CATSPER4: variants seen among roughly 807,000 people sequenced by gnomAD.
The protein encoded by CATSPER4 is cation channel sperm associated 4.
A neutral mutation model predicts 54.4 loss-of-function variants in CATSPER4; 46 were observed. The ratio of observed to expected loss-of-function variants is 0.84; its 90% CI spans 0.67 to 1.08. The LOEUF is 1.08. Among genes scored for constraint, CATSPER4 ranks in the 50% least tolerant of loss-of-function variants. CATSPER4 has a pLI of 0.00. For synonymous variants in CATSPER4, 230 were observed against 231.9 expected (o/e 0.99, Z 0.08); for missense variants, 574 against 612.8 (o/e 0.94, Z 0.67).
intron 3 of CATSPER4, among the ~76,000 whole-genome samples, chr1:26,196,402 C>CTTTTT (rs58507291): frequency 2.4e-5 from 2 of 82,456 alleles, no homozygotes; most frequent in African/African-American, 4.8e-5. Flanking sequence ...TTTTCTTTTC[C>CTTTTT]TTTTTTTTTT....
chr1:26,201,278 G>A, intron 8 of CATSPER4, 76 bp from the exon 9 acceptor site: 2 of 1,494,600 alleles, frequency 1.3e-6, no homozygotes, highest in Non-Finnish European at 9.3e-7. Context: ...AAGCGGGGGT[G>A]ACGCCAGGGA....
Position 26,202,643 on chromosome 1 carries a change from C to G in CATSPER4, c.*101C>G, listed in dbSNP as rs908373585. On this transcript the variant is annotated 3_prime_UTR_variant, in exon 10 of 10. Coordinates refer to ENST00000456354, the MANE Select transcript of CATSPER4 (RefSeq NM_198137.2). ...TGGCAGAGCCTGGCCAGAGCCCATC[C>G]TCTCCCTTATACCTGGGCAGAGGCC... The G allele has an allele frequency of 1.8e-6, 2 of 1,129,644 alleles. No homozygotes were observed. The highest frequency in any genetic ancestry group is 2.6e-6 in the Non-Finnish European group (2 of 761,612). The allele number at this position is 1,129,644 out of a possible 1,614,324, so 70.0% of individuals were successfully genotyped here.
At position 26,202,851 on chromosome 1, in the gene CATSPER4, C is replaced by A; in HGVS notation, c.*309C>A. ...CCTAAGGATGGGGATCCCTGGCCCC[C>A]TGCTCTTGCCCAGAGCTGGTGGGGG... On this transcript the variant is annotated 3_prime_UTR_variant, in exon 10 of 10. Coordinates refer to ENST00000456354, the MANE Select transcript of CATSPER4 (RefSeq NM_198137.2). 1 of 462,810 alleles carries A rather than the reference C, an allele frequency of 2.2e-6. No homozygotes were observed. The highest frequency in any genetic ancestry group is 2.4e-5 in the South Asian group (1 of 41,330). The allele number at this position is 462,810 out of a possible 1,614,324, so 28.7% of individuals were successfully genotyped here. A position where few individuals can be genotyped will look rare whatever the true frequency, so the allele number is the denominator to read the frequency against.
At chr1:26,197,634 G>A (rs1315225061) in intron 3 of CATSPER4, 52 bp from the exon 4 acceptor site, 4 of 1,265,510 alleles carry the variant, frequency 3.2e-6, no homozygotes, top group Non-Finnish European at 4.6e-6. Context: ...GACCTAGGAT[G>A]CCCCCATGGG....
chr1:26,200,994 A>G lies in CATSPER4; in HGVS notation c.1152A>G (p.Ile384Met). Residue 384 changes from isoleucine to methionine, a missense_variant, in exon 8 of 10, where the codon ATA (isoleucine) becomes ATG (methionine). Coordinates refer to ENST00000456354, the MANE Select transcript of CATSPER4 (RefSeq NM_198137.2). ...ACTTTTGCTTGGTGCTTGAGGCAAT[A>G]CAGGAGAACCTGAGGCAGTACAAGG... Reference protein sequence around the residue: ...CDNFCLVLEAIQENLRQYKEI... With the variant: ...CDNFCLVLEAMQENLRQYKEI... 1.9e-6 allele frequency: 3 copies of G among 1,614,126 alleles called. No individual in the cohort carries two copies. Among genetic ancestry groups the G allele is most frequent in the Non-Finnish European group, 2.5e-6 (3 of 1,180,028 alleles).
Position 26,201,429 on chromosome 1 carries a change from G to C in CATSPER4, c.1275G>C (p.Thr425=), listed in dbSNP as rs1001393617. The change falls in exon 9 of 10, where the codon ACG becomes ACC. Residue 425 remains threonine (T), a synonymous_variant. Transcript: ENST00000456354. Reference sequence around the variant, plus strand: ...AGGTGTTGAACAGGCGCTCGTCGACGAGCGGGTCGTTGGAGACTACGTCAT... The same window carrying C: ...AGGTGTTGAACAGGCGCTCGTCGACCAGCGGGTCGTTGGAGACTACGTCAT... ...ESEVLNRRSS[T]SGSLETTSSK... The C allele has an allele frequency of 1.2e-6, 2 of 1,614,032 alleles. No individual in the cohort carries two copies. The highest frequency in any genetic ancestry group is 1.7e-6 in the Non-Finnish European group (2 of 1,179,950).
intron 1 of CATSPER4, 79 bp from the exon 2 acceptor site, chr1:26,191,208 C>A: frequency 1.9e-6 from 3 of 1,565,084 alleles, no homozygotes; most frequent in South Asian, 1.2e-5. Context: ...CCAGGAACCC[C>A]CATTCTCTAA....
At position 26,201,409 on chromosome 1, in the gene CATSPER4, T is replaced by C; in HGVS notation, c.1255T>C (p.Leu419=). Residue 419 remains leucine, a synonymous_variant, in exon 9 of 10, where the codon TTG becomes CTG. Coordinates refer to ENST00000456354, the MANE Select transcript of CATSPER4 (RefSeq NM_198137.2). The part of the protein sequence containing the change: ...RFNQEQESEV[L]NRRSSTSGSL... ...CAACCAGGAGCAGGAGTCAGAGGTG[T>C]TGAACAGGCGCTCGTCGACGAGCGG... 1 of 1,614,074 alleles carries C rather than the reference T, an allele frequency of 6.2e-7. No individual in the cohort carries two copies. The highest frequency in any genetic ancestry group is 8.5e-7 in the Non-Finnish European group (1 of 1,179,990).
intron 8 of CATSPER4, 106 bp from the exon 9 acceptor site, chr1:26,201,248 C>A: frequency 7.8e-7 from 1 of 1,279,776 alleles, no homozygotes; most frequent in Admixed American, 1.9e-5. Context: ...GGGTCTCTGT[C>A]AGGGCTGCGT....
At chr1:26,202,441 C>G in intron 9 of CATSPER4, 48 bp from the exon 10 acceptor site, 1 of 1,553,448 alleles carries the variant, frequency 6.4e-7, no homozygotes, top group Non-Finnish European at 8.8e-7. Context: ...CGGAGGCTGC[C>G]ATATCGGGGG....
chr1:26,193,773 TG>T lies in CATSPER4; in HGVS notation c.358-13del. 1 of 1,582,506 alleles carries T rather than the reference TG, an allele frequency of 6.3e-7. No homozygotes were observed. Among genetic ancestry groups the T allele is most frequent in the Non-Finnish European group, 8.7e-7 (1 of 1,150,982 alleles). The stretch of plus-strand genomic sequence containing the variant: ...GACCTCTCTGCCCCTCTTTTTTCTC[TG>T]TCTCCCATGTAGAAACACTATGAGT... On this transcript the variant is annotated splice_polypyrimidine_tract_variant and intron_variant, in intron 2 of 9. Coordinates refer to ENST00000456354, the MANE Select transcript of CATSPER4 (RefSeq NM_198137.2).
chr1:26,202,397 T>C (rs1392419836), intron 9 of CATSPER4, 92 bp from the exon 10 acceptor site: 7 of 1,153,676 alleles, frequency 6.1e-6, no homozygotes, highest in Admixed American at 1.9e-5. Flanking sequence ...GAGGCCTGGC[T>C]GGGGAAGCTG....
chr1:26,197,042 G>A (rs1206893468), intron 3 of CATSPER4, among the ~76,000 whole-genome samples: 1 of 151,850 alleles, frequency 6.6e-6, no homozygotes, highest in African/African-American at 2.4e-5. Flanking sequence ...CAAGTAGCTG[G>A]GACTACAGGC....
At chr1:26,201,103 A>G in intron 8 of CATSPER4, 62 bp downstream of exon 8, 1 of 1,382,268 alleles carries the variant, frequency 7.2e-7, no homozygotes, top group East Asian at 2.3e-5. Context: ...GGAGCGTCAG[A>G]GTCTTCTGGC....
Position 26,198,086 on chromosome 1 carries a change from C to T in CATSPER4, c.678+9C>T. On this transcript the variant is annotated intron_variant, in intron 5 of 9. Coordinates refer to ENST00000456354, the MANE Select transcript of CATSPER4 (RefSeq NM_198137.2). Reference sequence around the variant, plus strand: ...TCCTCTTCTTCATGCTGGTCAGTGCCTGCCCCCGCCCCCAGCTGTTTCCCT... The same window carrying T: ...TCCTCTTCTTCATGCTGGTCAGTGCTTGCCCCCGCCCCCAGCTGTTTCCCT... 1 of 1,614,204 alleles carries T rather than the reference C, an allele frequency of 6.2e-7. No individual in the cohort carries two copies. The highest frequency in any genetic ancestry group is 8.5e-7 in the Non-Finnish European group (1 of 1,180,036).
Position 26,197,677 on chromosome 1 carries a change from A to G in CATSPER4, c.460-9A>G. The G allele has an allele frequency of 6.2e-7, 1 of 1,608,106 alleles. No homozygotes were observed. Among genetic ancestry groups the G allele is most frequent in the Non-Finnish European group, 8.5e-7 (1 of 1,176,016 alleles). ...TGACAGACCCCACTGGGGCTGGCCC[A>G]CTCCCCAGGACGGCTGGAACATCCT... On this transcript the variant is annotated splice_polypyrimidine_tract_variant and intron_variant, in intron 3 of 9. Coordinates refer to ENST00000456354, the MANE Select transcript of CATSPER4 (RefSeq NM_198137.2).
At chr1:26,196,329 T>G (rs2088937788) in intron 3 of CATSPER4, among the ~76,000 whole-genome samples, 1 of 151,614 alleles carries the variant, frequency 6.6e-6, no homozygotes, top group African/African-American at 2.4e-5. Context: ...TTCCATTGAT[T>G]TAATGGAATT....
intron 5 of CATSPER4, 27 bp from the exon 6 acceptor site, chr1:26,198,259 G>A (rs765570372): frequency 9.9e-6 from 16 of 1,614,022 alleles, no homozygotes; most frequent in Admixed American, 5.0e-5. Flanking sequence ...TGGTGAAGTC[G>A]GGGTGGGGCT....
rs757117408 is a variant in CATSPER4, at chr1:26,193,856, G to T, written c.427G>T (p.Gly143Cys). ...CATCCTTCTTTGTGAGGTTCTCCTTGGCTGGCTCAATGGCTTCTGGATTTT... is the reference window on the plus strand; with the variant it reads ...CATCCTTCTTTGTGAGGTTCTCCTTTGCTGGCTCAATGGCTTCTGGATTTT... ...LTILLCEVLL[G>C]WLNGFWIFWK... Residue 143 changes from glycine to cysteine, a missense_variant, in exon 3 of 10, where the codon GGC becomes TGC. Physicochemically the swap from Gly to Cys is radical, Grantham distance 159. Transcript: ENST00000456354. The T allele has an allele frequency of 1.2e-6, 2 of 1,614,072 alleles. No individual in the cohort carries two copies. Among genetic ancestry groups the T allele is most frequent in the East Asian group, 4.5e-5 (2 of 44,882 alleles).
Sources: allele counts gnomAD v4.1 joint callset (sites outside exome capture counted in the v4.1 genomes callset), GRCh38; gene constraint gnomAD v4.1.1; transcripts MANE v1.5; gene names NCBI Gene and HGNC (gene_info 2026-07-23, HGNC 2026-07-21).